The following NDUFA10 variants were observed in gnomAD, a reference collection of about 807,000 sequenced individuals.
NDUFA10 encodes the protein NADH dehydrogenase [ubiquinone] 1 alpha subcomplex subunit 10, mitochondrial.
A neutral mutation model predicts 47.8 loss-of-function variants in NDUFA10; 40 were observed. The ratio of observed to expected loss-of-function variants is 0.84; its 90% CI spans 0.65 to 1.09. The LOEUF is 1.09. NDUFA10 is among the 50% of genes least tolerant of loss of function. The pLI is 0.00. For synonymous variants in NDUFA10, 183 were observed against 172.2 expected, an observed-to-expected ratio of 1.06 and a Z score of -0.49; for missense variants, 413 against 451.1, an observed-to-expected ratio of 0.92 and a Z score of 0.76.
intron 9 of NDUFA10, among the ~76,000 whole-genome samples, chr2:239,978,511 A>G (rs1265940680): frequency 6.6e-6 from 1 of 152,012 alleles, no homozygotes; most frequent in Non-Finnish European, 1.5e-5. Flanking sequence ...TCTTCCTTTC[A>G]GCAGAAAGCT....
intron 9 of NDUFA10, among the ~76,000 whole-genome samples, chr2:239,989,686 C>T (rs1559361249): frequency 6.6e-6 from 1 of 152,260 alleles, no homozygotes; most frequent in Admixed American, 6.5e-5. Flanking sequence ...TCCCTATGTC[C>T]TCCCATATGG....
At chr2:239,967,544 C>G (rs566102337) in intron 9 of NDUFA10, among the ~76,000 whole-genome samples, 10 of 152,314 alleles carry the variant, frequency 6.6e-5, no homozygotes, top group East Asian at 3.9e-4. Context: ...AAGGTAACAA[C>G]AAGACAGTAA....
chr2:239,975,582 G>A (rs1322086584), intron 9 of NDUFA10, among the ~76,000 whole-genome samples: 12 of 152,198 alleles, frequency 7.9e-5, no homozygotes, highest in Non-Finnish European at 1.5e-4. Flanking sequence ...GTCTTCTTGT[G>A]GCAACAGCAT....
intron 8 of NDUFA10, among the ~76,000 whole-genome samples, chr2:239,995,781 T>C (rs572734430): frequency 3.9e-5 from 6 of 152,304 alleles, no homozygotes; most frequent in African/African-American, 1.4e-4. Flanking sequence ...AAAGCTGCAG[T>C]GGCTATATTA....
At chr2:239,899,016 G>GTGT (rs1693465996) in intron 4 of NDUFA10, among the ~76,000 whole-genome samples, 1 of 108,384 alleles carries the variant, frequency 9.2e-6, no homozygotes, top group African/African-American at 3.2e-5. Flanking sequence ...GTGATGGAGG[G>GTGT]GAGTCATGGA....
At chr2:239,969,298 A>C (rs1695214962) in intron 9 of NDUFA10, among the ~76,000 whole-genome samples, 1 of 152,198 alleles carries the variant, frequency 6.6e-6, no homozygotes, top group Non-Finnish European at 1.5e-5. Context: ...AAAAGCACCA[A>C]ACAGAATTTC....
chr2:239,938,797 G>A (rs982882857), intron 4 of NDUFA10, among the ~76,000 whole-genome samples: 1 of 152,218 alleles, frequency 6.6e-6, no homozygotes, highest in Non-Finnish European at 1.5e-5. Flanking sequence ...TCACCCAAAC[G>A]GCACAGAGAA....
At chr2:239,956,016 AG>A (rs568785879), downstream of NDUFA10, among the ~76,000 whole-genome samples, 19 of 152,262 alleles carry the variant, frequency 1.2e-4, no homozygotes, top group East Asian at 3.7e-3. Context: ...GGGACAGGAA[AG>A]GGGGAAAAAA....
chr2:239,919,790 T>C (rs1360110402), intron 4 of NDUFA10, among the ~76,000 whole-genome samples: 2 of 152,326 alleles, frequency 1.3e-5, no homozygotes, highest in East Asian at 3.9e-4. Flanking sequence ...CACCCTTCCC[T>C]GAACACATCT....
chr2:240,003,232 C>CTAGGAGGGACTGT (rs980844620), intron 8 of NDUFA10, among the ~76,000 whole-genome samples: 2 of 152,014 alleles, frequency 1.3e-5, no homozygotes, highest in Admixed American at 6.5e-5. Context: ...TCCCTCTGGT[C>CTAGGAGGGACTGT]ATCCTAGGAG....
chr2:239,939,758 C>G (rs192736707), intron 4 of NDUFA10, among the ~76,000 whole-genome samples: 1 of 152,216 alleles, frequency 6.6e-6, no homozygotes, highest in Non-Finnish European at 1.5e-5. Flanking sequence ...ACCAGGCACA[C>G]GGAAACAGGG....
At chr2:239,901,282 G>A (rs563067897) in intron 4 of NDUFA10, among the ~76,000 whole-genome samples, 8 of 152,114 alleles carry the variant, frequency 5.3e-5, no homozygotes, top group Non-Finnish European at 1.2e-4. Flanking sequence ...CAGAAGGATC[G>A]CTTAAGCCCA....
intron 4 of NDUFA10, among the ~76,000 whole-genome samples, chr2:239,929,546 G>A (rs1694123262): frequency 1.3e-5 from 2 of 152,118 alleles, no homozygotes; most frequent in South Asian, 2.1e-4. Context: ...TCACAAGCCC[G>A]GGAAGTGCGG....
chr2:240,006,444 C>A (rs1307697346), intron 7 of NDUFA10, among the ~76,000 whole-genome samples: 1 of 152,192 alleles, frequency 6.6e-6, no homozygotes, highest in African/African-American at 2.4e-5. Flanking sequence ...CCTCCCAATG[C>A]TGAGAGGCAA....
In NDUFA10 at chr2:239,963,699, G is replaced by A. The variant is rs139594221; in HGVS notation, c.1000-2513C>T. ...GACCCGTGGGCAGTTGGAAACCTGC[G>A]TCTGTGGCTTAGAAGACAGGGCTGT... On this transcript the variant is annotated intron_variant, in intron 9 of 9. Coordinates refer to ENST00000252711, the MANE Select transcript of NDUFA10 (RefSeq NM_004544.4). Among the ~76,000 whole-genome samples the A allele has an allele frequency of 2.1e-3, 319 of 152,324 alleles. 1 individual carries two copies. The highest frequency in any genetic ancestry group is 3.9e-3 in the Non-Finnish European group (267 of 68,026).
At position 239,984,363 on chromosome 2, in the gene NDUFA10, C is replaced by T. The variant is rs1428694113; in HGVS notation, c.999+5711G>A. Among the ~76,000 whole-genome samples the T allele has an allele frequency of 3.3e-5, 5 of 152,272 alleles. No individual in the cohort carries two copies. In the South Asian group the frequency reaches 6.2e-4, roughly 19 times the overall value. ...GTGAGATATGAGAGCTCACTACTAC[C>T]GTCACGGTTTTTCTGTAAATCTAAA... is the stretch of plus-strand genomic sequence containing the variant. On this transcript the variant is annotated intron_variant, in intron 9 of 9. Coordinates refer to ENST00000252711, the MANE Select transcript of NDUFA10 (RefSeq NM_004544.4).
At chr2:239,924,884 G>A (rs915266493) in intron 4 of NDUFA10, among the ~76,000 whole-genome samples, 3 of 151,962 alleles carry the variant, frequency 2.0e-5, no homozygotes, top group South Asian at 2.1e-4. Context: ...AACAACACAC[G>A]TAAAAATTAT....
chr2:239,911,006 G>A (rs552641532), intron 4 of NDUFA10, among the ~76,000 whole-genome samples: 3 of 152,188 alleles, frequency 2.0e-5, no homozygotes, highest in Admixed American at 6.5e-5. Context: ...GTCACACTGC[G>A]TGTTTCCCCA....
chr2:239,990,654 C>T (rs1469297964), intron 8 of NDUFA10, among the ~76,000 whole-genome samples: 2 of 152,176 alleles, frequency 1.3e-5, no homozygotes, highest in African/African-American at 4.8e-5. Flanking sequence ...CAGCGTCTTA[C>T]TGCTCTGTTC....
Sources: allele counts gnomAD v4.1 joint callset (sites outside exome capture counted in the v4.1 genomes callset), GRCh38; gene constraint gnomAD v4.1.1; transcripts MANE v1.5; gene names NCBI Gene and HGNC (gene_info 2026-07-23, HGNC 2026-07-21).